ATP13A4: variants seen among roughly 807,000 people sequenced by gnomAD.
ATP13A4 encodes the protein ATPase 13A4.
A neutral mutation model predicts 142.5 loss-of-function variants in ATP13A4; 114 were observed. That is an observed-to-expected ratio of 0.80 (90% confidence interval 0.69 to 0.93). ATP13A4 has a LOEUF of 0.93. Among genes scored for constraint, ATP13A4 ranks in the 40% least tolerant of loss-of-function variants. The probability of loss-of-function intolerance (pLI) is 0.00; values close to 1 mark genes in which losing one functional copy is unlikely to be tolerated. For missense variants in ATP13A4, 1,392 were observed against 1,454.0 expected (o/e 0.96, Z 0.69); for synonymous variants, 488 against 514.8 (o/e 0.95, Z 0.70).
At position 193,514,682 on chromosome 3, in the gene ATP13A4, C is replaced by G; in HGVS notation, c.234+16G>C. On this transcript the variant is annotated intron_variant, in intron 2 of 29. Transcript: ENST00000342695. ...CAAAAGGGGGGCACCAGCGACATAA[C>G]CAGGTACACACTTACCGTTGTCCTC... is the stretch of plus-strand genomic sequence containing the variant. 1.9e-6 allele frequency: 3 copies of G among 1,614,030 alleles called. No homozygotes were observed. The highest frequency in any genetic ancestry group is 2.2e-5 in the East Asian group (1 of 44,868).
intron 25 of ATP13A4, among the ~76,000 whole-genome samples, chr3:193,431,845 A>C (rs4687435): frequency 0.7 from 105,634 of 151,466 alleles, 37,657 homozygotes; most frequent in Non-Finnish European, 0.77. Context: ...AACATGTTAA[A>C]CATTTGCAAG....
rs1199151171 is a variant in ATP13A4, at chr3:193,459,090, G to A, written c.1665C>T (p.Ala555=). 2 of 1,614,218 alleles carry A rather than the reference G, an allele frequency of 1.2e-6. No homozygotes were observed. Among genetic ancestry groups the A allele is most frequent in the Non-Finnish European group, 8.5e-7 (1 of 1,180,030 alleles). The change falls in exon 14 of 30, where the codon GCC becomes GCT. Residue 555 remains alanine (A), a synonymous_variant. Coordinates refer to ENST00000342695, the MANE Select transcript of ATP13A4 (RefSeq NM_032279.4). ...GDPLDLKMFE[A]TTWEMAFSGD... ...AAGAGCAGAGGCTTACCCAGGTGGT[G>A]GCTTCAAACATTTTGAGGTCCAGAG...
chr3:193,462,834 A>G lies in ATP13A4; in HGVS notation c.1462-11T>C, dbSNP rs765372714. On this transcript the variant is annotated splice_polypyrimidine_tract_variant and intron_variant, in intron 12 of 29. Coordinates refer to ENST00000342695, the MANE Select transcript of ATP13A4 (RefSeq NM_032279.4). Reference sequence around the variant, plus strand: ...TGTTAAGGTGCCTGTCTAAACAGAAACAAATGCTCCATTTACTCTGAAGAT... The same window carrying G: ...TGTTAAGGTGCCTGTCTAAACAGAAGCAAATGCTCCATTTACTCTGAAGAT... 33 of 1,613,270 alleles carry G rather than the reference A, an allele frequency of 2.0e-5. No individual in the cohort carries two copies. The highest frequency in any genetic ancestry group is 1.3e-4 in the East Asian group (6 of 44,880).
At chr3:193,558,844 A>T (rs1723956755), upstream of ATP13A4, among the ~76,000 whole-genome samples, 1 of 152,144 alleles carries the variant, frequency 6.6e-6, no homozygotes. Flanking sequence ...CCCTGAACTC[A>T]TTTTTTCTCA....
At chr3:193,531,798 A>G (rs951102048) in intron 1 of ATP13A4, among the ~76,000 whole-genome samples, 3 of 152,172 alleles carry the variant, frequency 2.0e-5, no homozygotes, top group African/African-American at 7.2e-5. Context: ...CCTTTACAGC[A>G]GTTACTGTTT....
chr3:193,463,819 TG>T (rs1234467200), intron 12 of ATP13A4, among the ~76,000 whole-genome samples: 1 of 152,182 alleles, frequency 6.6e-6, no homozygotes, highest in Non-Finnish European at 1.5e-5. Flanking sequence ...TACAAAATGG[TG>T]GCAAGAGTCA....
In ATP13A4 at chr3:193,438,511, T is replaced by C; in HGVS notation, c.2636A>G (p.Lys879Arg). Residue 879 changes from lysine to arginine, a missense_variant, in exon 23 of 30, where the codon AAA (lysine) becomes AGA (arginine). Coordinates refer to ENST00000342695, the MANE Select transcript of ATP13A4 (RefSeq NM_032279.4). ...AGGTACGCACTCAATGTTTGGAGTT[T>C]TGGAAGTGAAAGGTGAGGCCACAGA... ...EASVASPFTS[K>R]TPNIECVPHL... 6.2e-7 allele frequency: 1 copy of C among 1,614,120 alleles called. No individual in the cohort carries two copies.
chr3:193,539,975 C>T (rs906226165), intron 1 of ATP13A4, among the ~76,000 whole-genome samples: 3 of 152,020 alleles, frequency 2.0e-5, no homozygotes, highest in African/African-American at 7.3e-5. Flanking sequence ...TATAATAGTT[C>T]AGAAGGAAGA....
intron 12 of ATP13A4, among the ~76,000 whole-genome samples, chr3:193,464,710 G>A (rs968553534): frequency 1.3e-5 from 2 of 152,098 alleles, no homozygotes. Context: ...GGATATCAAA[G>A]CTGGAAGGAC....
At chr3:193,561,140 C>A (rs765076601) in intron 2 of ATP13A4, among the ~76,000 whole-genome samples, 8 of 152,204 alleles carry the variant, frequency 5.3e-5, no homozygotes, top group Admixed American at 1.3e-4. Flanking sequence ...GGACCTCAGG[C>A]TTGGGAATGA....
chr3:193,547,496 T>TGGAAA (rs1723291418), intron 1 of ATP13A4, among the ~76,000 whole-genome samples: 1 of 152,220 alleles, frequency 6.6e-6, no homozygotes, highest in Admixed American at 6.5e-5. Context: ...TGAGAATCAT[T>TGGAAA]GGAAAGGATA....
At chr3:193,544,724 G>A (rs1723129578) in intron 1 of ATP13A4, among the ~76,000 whole-genome samples, 1 of 152,192 alleles carries the variant, frequency 6.6e-6, no homozygotes, top group Admixed American at 6.5e-5. Flanking sequence ...TTTCTCACAA[G>A]TTCAAAATAA....
intron 1 of ATP13A4, among the ~76,000 whole-genome samples, chr3:193,540,751 A>G (rs1052635962): frequency 6.6e-6 from 1 of 152,032 alleles, no homozygotes. Context: ...TATGAAGAGA[A>G]ACAACATAAA....
chr3:193,589,075 G>A, intron 1 of ATP13A4, among the ~76,000 whole-genome samples: 1 of 152,146 alleles, frequency 6.6e-6, no homozygotes. Context: ...GGGAGGTGGA[G>A]GTTACAGTGA....
intron 3 of ATP13A4, among the ~76,000 whole-genome samples, chr3:193,497,308 A>G (rs1720298099): frequency 6.6e-6 from 1 of 152,150 alleles, no homozygotes; most frequent in Admixed American, 6.5e-5. Context: ...CTCACAGATA[A>G]ATGAAAACAT....
At chr3:193,547,555 A>G (rs1479178127) in intron 1 of ATP13A4, among the ~76,000 whole-genome samples, 1 of 152,228 alleles carries the variant, frequency 6.6e-6, no homozygotes, top group African/African-American at 2.4e-5. Context: ...TCCACCCTCC[A>G]GGCAAATGAA....
chr3:193,585,904 T>C (rs901781676), intron 1 of ATP13A4, among the ~76,000 whole-genome samples: 2 of 152,114 alleles, frequency 1.3e-5, no homozygotes, highest in African/African-American at 4.8e-5. Context: ...TATAAGAAAA[T>C]GCCAAATATT....
At chr3:193,570,917 T>C (rs1165349160) in intron 2 of ATP13A4, among the ~76,000 whole-genome samples, 2 of 152,152 alleles carry the variant, frequency 1.3e-5, no homozygotes, top group East Asian at 1.9e-4. Context: ...TCCCAATAAT[T>C]GGTAGCTATT....
intron 2 of ATP13A4, among the ~76,000 whole-genome samples, chr3:193,563,524 G>A (rs886261864): frequency 6.6e-6 from 1 of 152,202 alleles, no homozygotes; most frequent in African/African-American, 2.4e-5. Context: ...CAGGTGAGGT[G>A]GCACATGCCT....
Sources: allele counts gnomAD v4.1 joint callset (sites outside exome capture counted in the v4.1 genomes callset), GRCh38; gene constraint gnomAD v4.1.1; transcripts MANE v1.5; gene names NCBI Gene and HGNC (gene_info 2026-07-23, HGNC 2026-07-21).